Variants in MAGI1 observed in about 807,000 individuals in gnomAD.
MAGI1 encodes the protein membrane-associated guanylate kinase, WW and PDZ domain-containing protein 1.
In MAGI1, 58 loss-of-function variants were observed where a neutral mutation model predicts 139.9. The ratio of observed to expected loss-of-function variants is 0.41; its 90% confidence interval spans 0.34 to 0.52. MAGI1 has a LOEUF of 0.52. MAGI1 is among the 20% of genes least tolerant of loss of function. The pLI, the probability that MAGI1 is intolerant of heterozygous loss-of-function variation, is 0.12. For missense variants in MAGI1, 1,874 were observed against 1,901.6 expected, an observed-to-expected ratio of 0.99 and a Z score of 0.27; for synonymous variants, 812 against 737.9, an observed-to-expected ratio of 1.10 and a Z score of -1.63.
chr3:65,771,788 T>G (rs1007528834), intron 1 of MAGI1, among the ~76,000 whole-genome samples: 2 of 152,224 alleles, frequency 1.3e-5, no homozygotes, highest in African/African-American at 2.4e-5. Context: ...GAATCCCCAG[T>G]GCTGTATGGA....
chr3:65,839,147 T>C (rs371859860), intron 1 of MAGI1, among the ~76,000 whole-genome samples: 2 of 152,170 alleles, frequency 1.3e-5, no homozygotes, highest in African/African-American at 2.4e-5. Flanking sequence ...AGACCACATA[T>C]ACAATGGTGG....
intron 1 of MAGI1, among the ~76,000 whole-genome samples, chr3:66,016,118 A>G: frequency 6.6e-6 from 1 of 152,196 alleles, no homozygotes; most frequent in Non-Finnish European, 1.5e-5. Flanking sequence ...TACGAAGTCT[A>G]TTCAGCGCCT....
At position 65,703,888 on chromosome 3, in the gene MAGI1, T is replaced by G. The variant is rs200659906; in HGVS notation, c.314-81800A>C. Among the ~76,000 whole-genome samples the G allele has an allele frequency of 5.8e-4, 89 of 152,310 alleles. 1 individual carries two copies. Among genetic ancestry groups the G allele is most frequent in the African/African-American group, 2.1e-3 (89 of 41,570 alleles). On this transcript the variant is annotated intron_variant, in intron 1 of 22. Coordinates refer to ENST00000402939, the MANE Select transcript of MAGI1 (RefSeq NM_001033057.2). ...ACCTCCCATTAACCCTGGGAACTGTTAACTTCAGTGTTAGCTAGGGATTTC... is the reference window on the plus strand; with the variant it reads ...ACCTCCCATTAACCCTGGGAACTGTGAACTTCAGTGTTAGCTAGGGATTTC...
chr3:65,486,749 G>A (rs1041284248), intron 3 of MAGI1, among the ~76,000 whole-genome samples: 4 of 152,052 alleles, frequency 2.6e-5, no homozygotes, highest in Non-Finnish European at 4.4e-5. Context: ...TCTTTACATC[G>A]CCAGGAAGGG....
At chr3:65,509,795 G>A (rs952697243) in intron 2 of MAGI1, among the ~76,000 whole-genome samples, 1 of 152,008 alleles carries the variant, frequency 6.6e-6, no homozygotes, top group South Asian at 2.1e-4. Context: ...ACTGGGTGGA[G>A]CCCACCACAG....
At chr3:65,708,557 A>G (rs2030792951) in intron 1 of MAGI1, among the ~76,000 whole-genome samples, 1 of 152,124 alleles carries the variant, frequency 6.6e-6, no homozygotes, top group African/African-American at 2.4e-5. Flanking sequence ...TCTTCTAGTT[A>G]AGGCTTGGGG....
At chr3:65,457,115 C>A (rs1382936723) in intron 5 of MAGI1, among the ~76,000 whole-genome samples, 1 of 152,028 alleles carries the variant, frequency 6.6e-6, no homozygotes, top group East Asian at 1.9e-4. Flanking sequence ...TTACATTAAA[C>A]CTGTATATCC....
At chr3:65,921,537 T>C (rs993503052) in intron 1 of MAGI1, among the ~76,000 whole-genome samples, 1 of 152,068 alleles carries the variant, frequency 6.6e-6, no homozygotes, top group East Asian at 1.9e-4. Context: ...CTCGAACTTC[T>C]GGCTTCAAGT....
At chr3:65,418,634 T>C (rs77023034) in intron 12 of MAGI1, among the ~76,000 whole-genome samples, 171 of 152,276 alleles carry the variant, frequency 1.1e-3, no homozygotes, top group African/African-American at 4.0e-3. Context: ...CATTACTTTC[T>C]TCCTGTCTTT....
chr3:65,897,347 A>G (rs557601749), intron 1 of MAGI1, among the ~76,000 whole-genome samples: 41 of 151,730 alleles, frequency 2.7e-4, no homozygotes, highest in African/African-American at 8.2e-4. Context: ...CAGCTGAGGA[A>G]ACACAGCAAG....
intron 2 of MAGI1, among the ~76,000 whole-genome samples, chr3:65,578,826 C>T (rs937792830): frequency 1.3e-4 from 19 of 151,990 alleles, no homozygotes; most frequent in African/African-American, 3.9e-4. Context: ...GAGGCTGAGG[C>T]ACGACAATCA....
intron 1 of MAGI1, among the ~76,000 whole-genome samples, chr3:65,840,240 A>G (rs888820825): frequency 1.3e-5 from 2 of 151,696 alleles, no homozygotes; most frequent in African/African-American, 4.8e-5. Flanking sequence ...TCTCCAGAGT[A>G]TGTTTTTTAT....
In MAGI1 at chr3:65,700,215, G is replaced by A. The variant is rs1019062359; in HGVS notation, c.314-78127C>T. Among the ~76,000 whole-genome samples the A allele has an allele frequency of 9.2e-5, 14 of 152,034 alleles. 1 individual carries two copies. The highest frequency in any genetic ancestry group is 2.1e-4 in the South Asian group (1 of 4,816). ...TTCCAGCATTTTGGGAGGCCGAGGC[G>A]GGCAGATCACGAGGTCAGGAGTTCA... On this transcript the variant is annotated intron_variant, in intron 1 of 22. Transcript: ENST00000402939.
At chr3:65,848,420 C>T (rs1423909366) in intron 1 of MAGI1, among the ~76,000 whole-genome samples, 1 of 152,122 alleles carries the variant, frequency 6.6e-6, no homozygotes. Context: ...TACACTTACT[C>T]CTGGCCCCAT....
rs1034772164 is a variant in MAGI1 at position 65,356,461 on chromosome 3, G to A, written c.4306C>T (p.Gln1436Ter). 7 of 1,611,918 alleles carry A rather than the reference G, an allele frequency of 4.3e-6. No homozygotes were observed. Among genetic ancestry groups the A allele is most frequent in the South Asian group, 1.1e-5 (1 of 91,048 alleles). Residue 1436 changes from glutamine (Q) to a stop codon, truncating the protein, a stop_gained, in exon 23 of 23, where the codon CAG becomes TAG. Coordinates refer to ENST00000402939, the MANE Select transcript of MAGI1 (RefSeq NM_001033057.2). LOFTEE classifies it high-confidence loss of function. Reference sequence around the variant, plus strand: ...TGTCTGGAACTTCTGCCGGCATCCTGTTTCAGATTCGCCTCTTCCCTTTCT... The same window carrying A: ...TGTCTGGAACTTCTGCCGGCATCCTATTTCAGATTCGCCTCTTCCCTTTCT... Reference protein sequence around the residue: ...HREREEANLKQDAGRSSRHPP... With the variant: ...HREREEANLK
At chr3:65,867,840 C>G (rs1412508102) in intron 1 of MAGI1, among the ~76,000 whole-genome samples, 1 of 152,130 alleles carries the variant, frequency 6.6e-6, no homozygotes. Context: ...GAAGCCCTGC[C>G]ATTTACTGTG....
chr3:65,996,935 T>C (rs1284221950), intron 1 of MAGI1, among the ~76,000 whole-genome samples: 1 of 152,226 alleles, frequency 6.6e-6, no homozygotes, highest in Non-Finnish European at 1.5e-5. Context: ...AATGACGTCA[T>C]CTCCAACACA....
intron 1 of MAGI1, among the ~76,000 whole-genome samples, chr3:65,744,440 G>A (rs1170269049): frequency 1.3e-5 from 2 of 152,172 alleles, no homozygotes; most frequent in East Asian, 3.9e-4. Flanking sequence ...TAAATGAAAT[G>A]GGGAAGTCAG....
At chr3:65,949,256 T>C (rs149553066) in intron 1 of MAGI1, among the ~76,000 whole-genome samples, 1 of 152,322 alleles carries the variant, frequency 6.6e-6, no homozygotes, top group Non-Finnish European at 1.5e-5. Flanking sequence ...CCCTATATTC[T>C]AGAATAATGC....
Sources: gnomAD v4.1 joint callset for allele counts (sites outside exome capture counted in the v4.1 genomes callset) on GRCh38, gnomAD v4.1.1 for gene constraint, MANE v1.5 for transcripts, NCBI Gene and HGNC (gene_info 2026-07-23, HGNC 2026-07-21) for gene names.